TCF3: variants seen among roughly 807,000 people sequenced by gnomAD.
The protein encoded by TCF3 is transcription factor E2-alpha.
TCF3 carries 54 observed loss-of-function variants against 72.3 expected under a neutral mutation model. The ratio of observed to expected loss-of-function variants is 0.75; its 90% CI spans 0.60 to 0.94. The LOEUF is 0.94. Among genes scored for constraint, TCF3 ranks in the 40% least tolerant of loss-of-function variants. The pLI is 0.00. For synonymous variants in TCF3, 525 were observed against 412.6 expected (o/e 1.27, Z -3.30); for missense variants, 1,078 against 934.4 (o/e 1.15, Z -2.00).
At chr19:1,636,443 G>A (rs2064419306) in intron 3 of TCF3, among the ~76,000 whole-genome samples, 1 of 152,172 alleles carries the variant, frequency 6.6e-6, no homozygotes, top group African/African-American at 2.4e-5. Context: ...TTACAGGCAT[G>A]AGCCACAACG....
intron 2 of TCF3, among the ~76,000 whole-genome samples, chr19:1,648,815 C>A (rs2066532088): frequency 1.1e-5 from 1 of 89,572 alleles, no homozygotes; most frequent in African/African-American, 4.4e-5. Context: ...TGCCACTGGG[C>A]ATGGGGGGGG....
rs747897526 is a variant in TCF3, at chr19:1,609,328, G to A, written c.*2379C>T. 6 of 193,078 alleles carry A rather than the reference G, an allele frequency of 3.1e-5. No individual in the cohort carries two copies. Among genetic ancestry groups the A allele is most frequent in the Non-Finnish European group, 5.4e-5 (5 of 92,724 alleles). The allele number at this position is 193,078 out of a possible 1,614,324, so 12.0% of individuals were successfully genotyped here. On this transcript the variant is annotated 3_prime_UTR_variant, in exon 19 of 19. Coordinates refer to ENST00000262965, the MANE Select transcript of TCF3 (RefSeq NM_003200.5). ...ATGTCACGTTTATTGCTACAGTGCT[G>A]TTATATACAGGACAGGTCTCTGAAT...
At position 1,642,173 on chromosome 19, in the gene TCF3, TAC is replaced by T. The variant is rs573787330; in HGVS notation, c.145+4180_145+4181del. Among the ~76,000 whole-genome samples, 24 of 135,156 alleles carry T rather than the reference TAC, an allele frequency of 1.8e-4. No individual in the cohort carries two copies. The East Asian group carries it at 1.9e-3, about 11-fold the overall frequency. The allele number at this position is 135,156 out of a possible 152,430, so 88.7% of individuals were successfully genotyped here. ...ACACACACACACACACACGCACGCG[TAC>T]ACACACGCACGCAGACACAGACGCA... is the stretch of plus-strand genomic sequence containing the variant. On this transcript the variant is annotated intron_variant, in intron 3 of 18. Coordinates refer to ENST00000262965, the MANE Select transcript of TCF3 (RefSeq NM_003200.5).
rs114792335 is a variant in TCF3 at position 1,630,679 on chromosome 19, G to A, written c.298+1359C>T. ...CTCAAACCGTCGGGTTCCAGAGAAGGGAAGGATCCCGCATCCCAGGATGAC... is the reference window on the plus strand; with the variant it reads ...CTCAAACCGTCGGGTTCCAGAGAAGAGAAGGATCCCGCATCCCAGGATGAC... On this transcript the variant is annotated intron_variant, in intron 5 of 18. Coordinates refer to ENST00000262965, the MANE Select transcript of TCF3 (RefSeq NM_003200.5). Among the ~76,000 whole-genome samples the A allele has an allele frequency of 5.4e-3, 820 of 152,320 alleles. 4 individuals are homozygous for A. The highest frequency in any genetic ancestry group is 0.016 in the African/African-American group (662 of 41,568).
intron 1 of TCF3, among the ~76,000 whole-genome samples, 185 bp downstream of exon 1, chr19:1,652,115 G>GC (rs1018030440): frequency 6.8e-6 from 1 of 147,230 alleles, no homozygotes; most frequent in East Asian, 2.1e-4. Context: ...CCACGTCGCC[G>GC]CCCCCCCGGC....
chr19:1,650,259 C>A lies in TCF3; in HGVS notation c.-11G>T. ...CTGCGGCTGGTTCATTCTCCTGGGG[C>A]CAGGGCGGGCACCTCAGGCCTGGAA... On this transcript the variant is annotated 5_prime_UTR_variant, in exon 2 of 19. Coordinates refer to ENST00000262965, the MANE Select transcript of TCF3 (RefSeq NM_003200.5). The A allele has an allele frequency of 6.4e-7, 1 of 1,556,658 alleles. No individual in the cohort carries two copies. The highest frequency in any genetic ancestry group is 8.7e-7 in the Non-Finnish European group (1 of 1,151,714).
intron 3 of TCF3, among the ~76,000 whole-genome samples, chr19:1,635,910 G>A (rs552352319): frequency 4.6e-5 from 7 of 152,286 alleles, no homozygotes; most frequent in African/African-American, 9.6e-5. Flanking sequence ...GAGTAGGAGC[G>A]GGCCACCCGA....
rs373121995 is a variant in TCF3 at position 1,645,004 on chromosome 19, C to T, written c.145+1351G>A. ...GCAGGGTGGCGTTTGGGGATTTCCA[C>T]GCCTCAGGGAGCATATTCCGGCCAG... On this transcript the variant is annotated intron_variant, in intron 3 of 18. Coordinates refer to ENST00000262965, the MANE Select transcript of TCF3 (RefSeq NM_003200.5). Among the ~76,000 whole-genome samples the T allele has an allele frequency of 2.8e-4, 42 of 152,232 alleles. No homozygotes were observed. In the East Asian group the frequency reaches 4.3e-3, roughly 15 times the overall value.
At chr19:1,648,260 A>G (rs1406749541) in intron 2 of TCF3, among the ~76,000 whole-genome samples, 1 of 152,228 alleles carries the variant, frequency 6.6e-6, no homozygotes, top group Non-Finnish European at 1.5e-5. Flanking sequence ...GCAGGCATGC[A>G]GGAACAGAGT....
rs367750491 is a variant in TCF3, at chr19:1,610,577, G to A, written c.*1130C>T. 22 of 231,788 alleles carry A rather than the reference G, an allele frequency of 9.5e-5. No homozygotes were observed. Among genetic ancestry groups the A allele is most frequent in the African/African-American group, 4.6e-4 (21 of 45,322 alleles). 14.4% of individuals were successfully genotyped at this position (231,788 alleles called of 1,614,324 possible). ...CTCCAGGGTGTGGTCCCCATGCCAGGGGTCACTGGTCCCAACAAAATGCCC... is the reference window on the plus strand; with the variant it reads ...CTCCAGGGTGTGGTCCCCATGCCAGAGGTCACTGGTCCCAACAAAATGCCC... On this transcript the variant is annotated 3_prime_UTR_variant, in exon 19 of 19. Coordinates refer to ENST00000262965, the MANE Select transcript of TCF3 (RefSeq NM_003200.5).
intron 9 of TCF3, 21 bp from the exon 10 acceptor site, chr19:1,622,244 G>A (rs766222168): frequency 5.3e-6 from 8 of 1,522,280 alleles, no homozygotes; most frequent in Non-Finnish European, 7.1e-6. Context: ...GAGCTGGTAA[G>A]GTGGGGGCCG....
intron 6 of TCF3, among the ~76,000 whole-genome samples, chr19:1,626,665 T>C (rs1377911063): frequency 6.6e-6 from 1 of 151,974 alleles, no homozygotes; most frequent in Non-Finnish European, 1.5e-5. Flanking sequence ...ACTTGCGTAT[T>C]CCTGTCTGTA....
At chr19:1,619,639 G>T in intron 14 of TCF3, 141 bp downstream of exon 14, 1 of 1,270,854 alleles carries the variant, frequency 7.9e-7, no homozygotes, top group Non-Finnish European at 1.1e-6. Flanking sequence ...CAAAATGTGT[G>T]TGCCTTGGCG....
Position 1,619,000 on chromosome 19 carries a change from G to GC in TCF3, c.1450+110dup, listed in dbSNP as rs528568715. On this transcript the variant is annotated intron_variant, in intron 16 of 18. Transcript: ENST00000262965. ...GACTGGGGCGCCCATGTCACCAGGT[G>GC]CCCCCACGGTGACACCTGCCCTGGG... 5.7e-4 allele frequency: 879 copies of GC among 1,531,402 alleles called. 8 individuals are homozygous for GC. The African/African-American group carries it at 0.011, about 19-fold the overall frequency. 94.9% of individuals were successfully genotyped at this position (1,531,402 alleles called of 1,614,324 possible). A position where few individuals can be genotyped will look rare whatever the true frequency, so the allele number is the denominator to read the frequency against.
chr19:1,645,770 C>T lies in TCF3; in HGVS notation c.145+585G>A, dbSNP rs572637146. 1.1e-4 allele frequency among the ~76,000 whole-genome samples: 16 copies of T among 152,288 alleles called. No homozygotes were observed. The South Asian group carries it at 3.3e-3, about 32-fold the overall frequency. Reference sequence around the variant, plus strand: ...TGCTGTGTCATCAGCGAGGGTGACCCGCTCATCCAGGTCAGCCTGGGATGT... The same window carrying T: ...TGCTGTGTCATCAGCGAGGGTGACCTGCTCATCCAGGTCAGCCTGGGATGT... On this transcript the variant is annotated intron_variant, in intron 3 of 18. Coordinates refer to ENST00000262965, the MANE Select transcript of TCF3 (RefSeq NM_003200.5).
intron 3 of TCF3, among the ~76,000 whole-genome samples, chr19:1,645,694 A>AT (rs1206002571): frequency 6.6e-6 from 1 of 151,948 alleles, no homozygotes; most frequent in Non-Finnish European, 1.5e-5. Context: ...CCAGAGTGTG[A>AT]TTTTCAGGCC....
chr19:1,619,666 A>G, intron 14 of TCF3, 114 bp downstream of exon 14: 2 of 1,296,610 alleles, frequency 1.5e-6, no homozygotes, highest in Non-Finnish European at 1.1e-6. Flanking sequence ...AGGCCTCAAT[A>G]ACAGCTTGGG....
chr19:1,620,692 G>C (rs918597027), intron 13 of TCF3, among the ~76,000 whole-genome samples: 5 of 152,132 alleles, frequency 3.3e-5, no homozygotes, highest in African/African-American at 9.7e-5. Context: ...AGCCTTGGAG[G>C]GCTGGCTTGG....
chr19:1,652,241 T>G (rs2067242943), intron 1 of TCF3, 59 bp downstream of exon 1: 2 of 135,218 alleles, frequency 1.5e-5, no homozygotes, highest in Non-Finnish European at 1.6e-5. Flanking sequence ...CGGGCCGGGG[T>G]TCCCTGGGCA....
Sources: gnomAD v4.1 joint callset for allele counts (sites outside exome capture counted in the v4.1 genomes callset) on GRCh38, gnomAD v4.1.1 for gene constraint, MANE v1.5 for transcripts, NCBI Gene and HGNC (gene_info 2026-07-23, HGNC 2026-07-21) for gene names.